The following TUSC3 variants were observed in gnomAD, a reference collection of about 807,000 sequenced individuals.
TUSC3 encodes tumor suppressor candidate 3.
In TUSC3, 45 loss-of-function variants were observed where a neutral mutation model predicts 44.8. That is an observed-to-expected ratio of 1.00 (90% confidence interval 0.79 to 1.29). The LOEUF is 1.29. Among genes scored for constraint, TUSC3 ranks in the 50% most tolerant of loss-of-function variants. The pLI is 0.00. For synonymous variants in TUSC3, 212 were observed against 152.9 expected (o/e 1.39, Z -2.85); for missense variants, 519 against 437.9 (o/e 1.19, Z -1.65).
chr8:15,439,033 T>C (rs540338228), intron 1 of TUSC3, among the ~76,000 whole-genome samples: 1 of 152,244 alleles, frequency 6.6e-6, no homozygotes, highest in Non-Finnish European at 1.5e-5. Flanking sequence ...GGAGCAAGGA[T>C]TGAACCCAGA....
chr8:15,437,477 T>C (rs1321934458), intron 1 of TUSC3, among the ~76,000 whole-genome samples: 1 of 152,206 alleles, frequency 6.6e-6, no homozygotes, highest in Non-Finnish European at 1.5e-5. Context: ...CTTCTACTAT[T>C]AATATTTGGT....
At chr8:15,464,255 T>G (rs1324891871) in intron 1 of TUSC3, among the ~76,000 whole-genome samples, 1 of 152,156 alleles carries the variant, frequency 6.6e-6, no homozygotes, top group Admixed American at 6.5e-5. Context: ...GCTTACTGGT[T>G]GGTAGTCTTA....
intron 1 of TUSC3, among the ~76,000 whole-genome samples, chr8:15,577,440 GT>G (rs1480132965): frequency 6.6e-6 from 1 of 151,670 alleles, no homozygotes; most frequent in Non-Finnish European, 1.5e-5. Context: ...GGTTTTTATG[GT>G]TTTAGCTCTA....
chr8:15,737,874 A>G (rs955211843), intron 7 of TUSC3, among the ~76,000 whole-genome samples: 16 of 152,164 alleles, frequency 1.1e-4, no homozygotes, highest in Non-Finnish European at 2.1e-4. Context: ...TAAGATTTTT[A>G]TGTTACAAAT....
At chr8:15,712,608 C>G (rs999736309) in intron 6 of TUSC3, among the ~76,000 whole-genome samples, 7 of 152,048 alleles carry the variant, frequency 4.6e-5, no homozygotes, top group Non-Finnish European at 4.4e-5. Flanking sequence ...TCTAGAATCT[C>G]AGTCCTCTTT....
At chr8:15,775,971 G>A in the TUSC3 span, among the ~76,000 whole-genome samples, 1 of 151,844 alleles carries the variant, frequency 6.6e-6, no homozygotes, top group African/African-American at 2.4e-5. Flanking sequence ...AAATAATGGG[G>A]ATGAGGTTAA....
intron 1 of TUSC3, among the ~76,000 whole-genome samples, chr8:15,447,223 A>G (rs1452095013): frequency 3.3e-5 from 5 of 152,308 alleles, no homozygotes; most frequent in East Asian, 1.9e-4. Context: ...AACAACTACT[A>G]TCATATTTGA....
At chr8:15,653,244 C>T (rs1216014711) in intron 3 of TUSC3, among the ~76,000 whole-genome samples, 2 of 152,052 alleles carry the variant, frequency 1.3e-5, no homozygotes, top group Admixed American at 6.6e-5. Context: ...GTGGGAGAGG[C>T]GCAGCTCAGC....
chr8:15,785,780 C>G, the TUSC3 span, among the ~76,000 whole-genome samples: 1 of 151,798 alleles, frequency 6.6e-6, no homozygotes, highest in East Asian at 1.9e-4. Flanking sequence ...TATCACGAAG[C>G]ATTCTAGCTA....
intron 7 of TUSC3, chr8:15,733,475 G>C: frequency 2.9e-6 from 1 of 341,260 alleles, no homozygotes; most frequent in Non-Finnish European, 5.7e-6. Context: ...GAAAAGCTGT[G>C]TTGAGATCAT....
At chr8:15,472,441 G>A (rs192593894) in intron 1 of TUSC3, among the ~76,000 whole-genome samples, 105 of 151,422 alleles carry the variant, frequency 6.9e-4, no homozygotes, top group African/African-American at 2.5e-3. Context: ...TCATTTTGCA[G>A]GTGACTTTTG....
intron 1 of TUSC3, among the ~76,000 whole-genome samples, chr8:15,608,112 A>G (rs773665626): frequency 4.6e-5 from 7 of 152,150 alleles, no homozygotes; most frequent in Non-Finnish European, 1.0e-4. Context: ...AATTAGCACT[A>G]TATTCACATT....
chr8:15,608,465 C>T (rs933036666), intron 1 of TUSC3, among the ~76,000 whole-genome samples: 24 of 152,268 alleles, frequency 1.6e-4, no homozygotes, highest in African/African-American at 5.5e-4. Flanking sequence ...CAGTCTTCCA[C>T]ATGAAGTGTG....
rs543997852 is a variant in TUSC3, at chr8:15,584,123, A to G, written c.139-38957A>G. On this transcript the variant is annotated intron_variant, in intron 1 of 10. Transcript: ENST00000503731. The stretch of plus-strand genomic sequence containing the variant: ...TTTGAAATATTTAGATGTTTAATTG[A>G]TGTTAAACTTGTTAAAGATTTCCTT... Among the ~76,000 whole-genome samples the G allele has an allele frequency of 6.2e-4, 94 of 152,310 alleles. 2 individuals are homozygous for G. Among genetic ancestry groups the G allele is most frequent in the Admixed American group, 5.9e-3 (90 of 15,298 alleles).
chr8:15,703,976 A>C (rs549304189), intron 6 of TUSC3, among the ~76,000 whole-genome samples: 9 of 152,326 alleles, frequency 5.9e-5, no homozygotes, highest in African/African-American at 2.2e-4. Context: ...AGTGACGAAC[A>C]AAATAGATAA....
At chr8:15,756,303 T>C (rs1250834578) in intron 9 of TUSC3, among the ~76,000 whole-genome samples, 1 of 152,178 alleles carries the variant, frequency 6.6e-6, no homozygotes, top group East Asian at 1.9e-4. Flanking sequence ...TAAGCCTGTT[T>C]CTTAATCTGT....
At chr8:15,517,225 T>C (rs1801229346) in intron 2 of TUSC3, among the ~76,000 whole-genome samples, 1 of 152,158 alleles carries the variant, frequency 6.6e-6, no homozygotes, top group Non-Finnish European at 1.5e-5. Context: ...ATGTTATAGA[T>C]GGAGAAACTG....
rs574002564 is a variant in TUSC3, at chr8:15,479,680, C to T, written n.92-3706C>T. On this transcript the variant is annotated intron_variant and non_coding_transcript_variant, in intron 1 of 5. Coordinates refer to the TUSC3 transcript ENST00000503191. ...TACCAGTACCATGCTGTTTTGGTTA[C>T]TATACCTTGTAGTATAATTTGAAGT... Among the ~76,000 whole-genome samples, 146 of 152,294 alleles carry T rather than the reference C, an allele frequency of 9.6e-4. 1 individual carries two copies. The highest frequency in any genetic ancestry group is 2.4e-4 in the Non-Finnish European group (16 of 68,018).
At chr8:15,739,595 G>A (rs1022595801) in intron 7 of TUSC3, among the ~76,000 whole-genome samples, 15 of 152,018 alleles carry the variant, frequency 9.9e-5, no homozygotes, top group Non-Finnish European at 2.1e-4. Flanking sequence ...GTGATATAAA[G>A]GTAAATTCAT....
Sources: gnomAD v4.1 joint callset for allele counts (sites outside exome capture counted in the v4.1 genomes callset) on GRCh38, gnomAD v4.1.1 for gene constraint, MANE v1.5 for transcripts, NCBI Gene and HGNC (gene_info 2026-07-23, HGNC 2026-07-21) for gene names.